Variants in ASXL2 observed in about 807,000 individuals in gnomAD.
The protein encoded by ASXL2 is putative Polycomb group protein ASXL2.
A neutral mutation model predicts 122.0 loss-of-function variants in ASXL2; 23 were observed. The ratio of observed to expected loss-of-function variants is 0.19; its 90% CI spans 0.14 to 0.27. ASXL2 has a LOEUF of 0.27. Among genes scored for constraint, ASXL2 ranks in the 10% least tolerant of loss-of-function variants. The probability of loss-of-function intolerance (pLI) is 1.00; values close to 1 mark genes in which losing one functional copy is unlikely to be tolerated. For missense variants in ASXL2, 1,518 were observed against 1,713.8 expected (o/e 0.89, Z 2.02); for synonymous variants, 650 against 637.0 (o/e 1.02, Z -0.31).
intron 2 of ASXL2, among the ~76,000 whole-genome samples, chr2:25,842,156 C>T (rs558753000): frequency 6.7e-6 from 1 of 149,754 alleles, no homozygotes; most frequent in Non-Finnish European, 1.5e-5. Context: ...CAGAACACTA[C>T]AACAAACTAA....
In ASXL2 at chr2:25,771,999, C is replaced by A. The variant is rs557995371; in HGVS notation, c.404-459G>T. Among the ~76,000 whole-genome samples, 5 of 152,248 alleles carry A rather than the reference C, an allele frequency of 3.3e-5. No homozygotes were observed. In the South Asian group the frequency reaches 1.0e-3, roughly 32 times the overall value. The stretch of plus-strand genomic sequence containing the variant: ...AGTTTTAATCCTTACATTCCTTCAT[C>A]CTTTAAATCAACAGTTACAGGCTTA... On this transcript the variant is annotated intron_variant, in intron 5 of 12. Coordinates refer to ENST00000435504, the MANE Select transcript of ASXL2 (RefSeq NM_018263.6).
At chr2:25,809,296 GAA>G (rs71399325) in intron 3 of ASXL2, among the ~76,000 whole-genome samples, 1 of 144,032 alleles carries the variant, frequency 6.9e-6, no homozygotes. Flanking sequence ...CACTTCTAAT[GAA>G]AAAAAAAAAA....
At chr2:25,770,616 G>A (rs896445420) in intron 6 of ASXL2, among the ~76,000 whole-genome samples, 3 of 152,112 alleles carry the variant, frequency 2.0e-5, no homozygotes, top group Admixed American at 6.5e-5. Context: ...TTAGCCAGGC[G>A]TGGTGATGGG....
Position 25,752,780 on chromosome 2 carries a change from G to GT in ASXL2, c.1142+753dup, listed in dbSNP as rs1450921882. Among the ~76,000 whole-genome samples the GT allele has an allele frequency of 3.3e-5, 5 of 151,436 alleles. No individual in the cohort carries two copies. In the South Asian group the frequency reaches 1.0e-3, roughly 32 times the overall value. On this transcript the variant is annotated intron_variant, in intron 11 of 12. Transcript: ENST00000435504. Reference sequence around the variant, plus strand: ...AATTGCTTGAAACCAGAAGGCACAGGTTGCAGTGAGTCTGAGATTGCGCCA... The same window carrying GT: ...AATTGCTTGAAACCAGAAGGCACAGGTTTGCAGTGAGTCTGAGATTGCGCCA...
At position 25,868,010 on chromosome 2, in the gene ASXL2, T is replaced by A. The variant is rs1420390062; in HGVS notation, c.57+10156A>T. Among the ~76,000 whole-genome samples, 3 of 152,232 alleles carry A rather than the reference T, an allele frequency of 2.0e-5. No individual in the cohort carries two copies. The East Asian group carries it at 5.8e-4, about 29-fold the overall frequency. On this transcript the variant is annotated intron_variant, in intron 1 of 12. Coordinates refer to ENST00000435504, the MANE Select transcript of ASXL2 (RefSeq NM_018263.6). ...ATTTTATTTGTAAGTTTTATTATCATACAGAATAAAACAACACAAATTTAT... is the reference window on the plus strand; with the variant it reads ...ATTTTATTTGTAAGTTTTATTATCAAACAGAATAAAACAACACAAATTTAT...
chr2:25,813,911 G>A (rs1291768752), intron 3 of ASXL2, among the ~76,000 whole-genome samples: 5 of 152,156 alleles, frequency 3.3e-5, no homozygotes, highest in African/African-American at 7.2e-5. Flanking sequence ...TTAGCCGGGC[G>A]TGATGGCGGG....
chr2:25,844,080 CAA>C (rs1002243230), intron 2 of ASXL2, among the ~76,000 whole-genome samples: 24 of 152,192 alleles, frequency 1.6e-4, no homozygotes, highest in African/African-American at 5.8e-4. Context: ...CTGTGATACT[CAA>C]AAACAGCCCC....
chr2:25,747,935 G>A (rs936274272), intron 12 of ASXL2, among the ~76,000 whole-genome samples: 13 of 152,080 alleles, frequency 8.5e-5, no homozygotes, highest in African/African-American at 4.8e-5. Flanking sequence ...TTGGGAGGCC[G>A]AGGCAGGTGG....
At chr2:25,757,230 G>C (rs1411835939) in intron 9 of ASXL2, among the ~76,000 whole-genome samples, 1 of 152,064 alleles carries the variant, frequency 6.6e-6, no homozygotes, top group Non-Finnish European at 1.5e-5. Context: ...ACAGTAGTTT[G>C]TATTCCACTT....
intron 1 of ASXL2, 77 bp from the exon 2 acceptor site, chr2:25,845,640 C>T (rs6741640): frequency 0.31 from 195,016 of 637,362 alleles, 31,654 homozygotes; most frequent in African/African-American, 0.41. Flanking sequence ...CTTATAATTA[C>T]GTCTTAAAAG....
intron 3 of ASXL2, among the ~76,000 whole-genome samples, chr2:25,829,376 T>C (rs2089422038): frequency 6.6e-6 from 1 of 152,052 alleles, no homozygotes; most frequent in South Asian, 2.1e-4. Context: ...TATGAATGAA[T>C]ATAAACTATG....
At chr2:25,747,865 C>T (rs1360224235) in intron 12 of ASXL2, among the ~76,000 whole-genome samples, 1 of 151,928 alleles carries the variant, frequency 6.6e-6, no homozygotes, top group Non-Finnish European at 1.5e-5. Context: ...CTAAAATCAC[C>T]AATTTTAAAG....
chr2:25,831,711 A>C (rs901224232), intron 3 of ASXL2, among the ~76,000 whole-genome samples: 33 of 152,302 alleles, frequency 2.2e-4, no homozygotes, highest in African/African-American at 7.7e-4. Flanking sequence ...AAAAGTAATA[A>C]AGAAAAATGA....
chr2:25,780,521 T>C (rs2088616586), intron 5 of ASXL2, among the ~76,000 whole-genome samples: 1 of 152,158 alleles, frequency 6.6e-6, no homozygotes, highest in African/African-American at 2.4e-5. Flanking sequence ...AAAAATCTAT[T>C]AGAAATGAAA....
At chr2:25,771,383 G>A in intron 6 of ASXL2, 57 bp downstream of exon 6, 2 of 1,475,434 alleles carry the variant, frequency 1.4e-6, no homozygotes, top group Non-Finnish European at 1.9e-6. Context: ...ACTGCCAGAG[G>A]TGTGCGTTTT....
rs35973982 is a variant in ASXL2 at position 25,781,966 on chromosome 2, CT to C, written c.404-10427del. ...CGTGAGCCACCGCCCGGGCTTTTTTCTTTTTTTTTTTTTTTTTTTGTAGAGA... is the reference window on the plus strand; with the variant it reads ...CGTGAGCCACCGCCCGGGCTTTTTTCTTTTTTTTTTTTTTTTTTGTAGAGA... On this transcript the variant is annotated intron_variant, in intron 5 of 12. Transcript: ENST00000435504. 1.5e-4 allele frequency among the ~76,000 whole-genome samples: 12 copies of C among 81,044 alleles called. 1 individual carries two copies. The highest frequency in any genetic ancestry group is 8.7e-4 in the East Asian group (3 of 3,430). 53.2% of individuals were successfully genotyped at this position (81,044 alleles called of 152,430 possible). A position where few individuals can be genotyped will look rare whatever the true frequency, so the allele number is the denominator to read the frequency against.
At chr2:25,865,330 G>A (rs1465353379) in intron 1 of ASXL2, among the ~76,000 whole-genome samples, 11 of 151,964 alleles carry the variant, frequency 7.2e-5, no homozygotes, top group Non-Finnish European at 1.0e-4. Flanking sequence ...TACTTGGGAG[G>A]TGGAAGCACA....
intron 5 of ASXL2, among the ~76,000 whole-genome samples, chr2:25,793,973 G>A (rs1027985007): frequency 3.3e-5 from 5 of 152,060 alleles, no homozygotes; most frequent in African/African-American, 7.2e-5. Context: ...TAACCTCAGA[G>A]GAAAAGAGAA....
intron 2 of ASXL2, among the ~76,000 whole-genome samples, chr2:25,837,718 T>TG (rs1320354824): frequency 6.6e-6 from 1 of 151,516 alleles, no homozygotes; most frequent in Admixed American, 6.6e-5. Context: ...GGCATGGTGG[T>TG]GTGTGCCTGT....
Sources: allele counts gnomAD v4.1 joint callset (sites outside exome capture counted in the v4.1 genomes callset), GRCh38; gene constraint gnomAD v4.1.1; transcripts MANE v1.5; gene names NCBI Gene and HGNC (gene_info 2026-07-23, HGNC 2026-07-21).